Variants in CLIC4 observed in about 807,000 individuals in gnomAD.
CLIC4 encodes chloride intracellular channel protein 4.
A neutral mutation model predicts 24.6 loss-of-function variants in CLIC4; 13 were observed. The ratio of observed to expected loss-of-function variants is 0.53; its 90% CI spans 0.34 to 0.84. CLIC4 has a LOEUF of 0.84. Ranked by LOEUF, CLIC4 falls within the 40% of genes least tolerant of loss-of-function variation. The pLI, the probability that CLIC4 is intolerant of heterozygous loss-of-function variation, is 0.01. For missense variants in CLIC4, 227 were observed against 301.7 expected (o/e 0.75, Z 1.83); for synonymous variants, 104 against 111.3 (o/e 0.93, Z 0.41).
At chr1:24,818,942 G>T (rs1639698938) in intron 3 of CLIC4, among the ~76,000 whole-genome samples, 2 of 151,956 alleles carry the variant, frequency 1.3e-5, no homozygotes, top group South Asian at 4.2e-4. Context: ...GAAATAGTAT[G>T]TAATGTATAT....
chr1:24,756,359 A>G (rs934816052), intron 1 of CLIC4, among the ~76,000 whole-genome samples: 3 of 152,368 alleles, frequency 2.0e-5, no homozygotes, highest in African/African-American at 7.2e-5. Context: ...CCTGAGTTCA[A>G]CATGCATATA....
rs558923901 is a variant in CLIC4, at chr1:24,800,606, G to T, written c.182+2755G>T. On this transcript the variant is annotated intron_variant, in intron 2 of 5. Coordinates refer to ENST00000374379, the MANE Select transcript of CLIC4 (RefSeq NM_013943.3). ...GAGAATGGGCCAGGATGACAATGGC[G>T]GCTTTGTGGAATAGAAAGGCGGGAA... Among the ~76,000 whole-genome samples the T allele has an allele frequency of 2.2e-4, 34 of 152,312 alleles. No homozygotes were observed. In the East Asian group the frequency reaches 5.4e-3, roughly 24 times the overall value.
At position 24,841,611 on chromosome 1, in the gene CLIC4, C is replaced by G. The variant is rs1639944337; in HGVS notation, c.*674C>G. 6.6e-6 allele frequency: 1 copy of G among 152,114 alleles called. No homozygotes were observed. Among genetic ancestry groups the G allele is most frequent in the Non-Finnish European group, 1.5e-5 (1 of 67,998 alleles). The allele number at this position is 152,114 out of a possible 1,614,324, so 9.4% of individuals were successfully genotyped here. Reference sequence around the variant, plus strand: ...TGTAACATCTGACACCATGTAGAAGCTAAAAGTTTAGAGGGAGTGAGGGTT... The same window carrying G: ...TGTAACATCTGACACCATGTAGAAGGTAAAAGTTTAGAGGGAGTGAGGGTT... On this transcript the variant is annotated 3_prime_UTR_variant, in exon 6 of 6. Transcript: ENST00000374379.
At chr1:24,769,394 C>T (rs1639045709) in intron 1 of CLIC4, among the ~76,000 whole-genome samples, 1 of 152,030 alleles carries the variant, frequency 6.6e-6, no homozygotes, top group South Asian at 2.1e-4. Flanking sequence ...TAATTTAATC[C>T]TCATATAAAC....
intron 1 of CLIC4, among the ~76,000 whole-genome samples, chr1:24,778,503 A>G (rs548604677): frequency 1.3e-5 from 2 of 152,270 alleles, no homozygotes; most frequent in Admixed American, 6.5e-5. Flanking sequence ...CCAGACTAGG[A>G]AAAAAGGACT....
At chr1:24,828,798 A>G (rs899658972) in intron 4 of CLIC4, among the ~76,000 whole-genome samples, 2 of 152,054 alleles carry the variant, frequency 1.3e-5, no homozygotes, top group Non-Finnish European at 2.9e-5. Context: ...GTAGCCACCT[A>G]CTCTTCCTGT....
intron 1 of CLIC4, among the ~76,000 whole-genome samples, chr1:24,760,152 G>T (rs79193579): frequency 6.6e-6 from 1 of 152,146 alleles, no homozygotes; most frequent in African/African-American, 2.4e-5. Flanking sequence ...GATCAGTTGA[G>T]GTCAGGAGTT....
chr1:24,831,449 G>A (rs1229896644), intron 4 of CLIC4, among the ~76,000 whole-genome samples: 2 of 152,050 alleles, frequency 1.3e-5, no homozygotes, highest in Non-Finnish European at 2.9e-5. Context: ...ATTTAGAGCA[G>A]GTCTAAGGTT....
intron 1 of CLIC4, among the ~76,000 whole-genome samples, chr1:24,796,239 A>G (rs1480467433): frequency 1.3e-5 from 2 of 152,100 alleles, no homozygotes; most frequent in Admixed American, 6.5e-5. Flanking sequence ...GCTAGGCTGG[A>G]GTGCAGTGGC....
chr1:24,821,410 A>G (rs200319532), intron 3 of CLIC4, among the ~76,000 whole-genome samples: 45 of 152,350 alleles, frequency 3.0e-4, no homozygotes, highest in African/African-American at 9.1e-4. Flanking sequence ...GAGCATATTC[A>G]TAGAAACATT....
rs1210637546 is a variant in CLIC4, at chr1:24,812,866, A to T, written c.183-1228A>T. ...CCCAAGTAGCTGGAACTACAGGTGC[A>T]TGCCACCATGCCCAGCTAATTTTTA... On this transcript the variant is annotated intron_variant, in intron 2 of 5. Coordinates refer to ENST00000374379, the MANE Select transcript of CLIC4 (RefSeq NM_013943.3). 2.0e-5 allele frequency among the ~76,000 whole-genome samples: 3 copies of T among 151,250 alleles called. No individual in the cohort carries two copies. In the East Asian group the frequency reaches 5.8e-4, roughly 29 times the overall value.
chr1:24,820,067 G>GTGTGTATA (rs1212033050), intron 3 of CLIC4, among the ~76,000 whole-genome samples: 410 of 36,434 alleles, frequency 0.011, 72 homozygotes, highest in Middle Eastern at 0.02. Context: ...AAAAAAGTAT[G>GTGTGTATA]TATATATATA....
intron 1 of CLIC4, among the ~76,000 whole-genome samples, chr1:24,774,061 C>G (rs537984780): frequency 6.6e-6 from 1 of 152,208 alleles, no homozygotes; most frequent in African/African-American, 2.4e-5. Flanking sequence ...CAACCTCTGC[C>G]TCTTGGAGTC....
chr1:24,794,358 T>TG (rs1279696507), intron 1 of CLIC4, among the ~76,000 whole-genome samples: 2 of 151,926 alleles, frequency 1.3e-5, no homozygotes, highest in African/African-American at 4.8e-5. Flanking sequence ...TCTGTTTTTT[T>TG]TTTTTTTTTA....
chr1:24,752,540 GC>G (rs1442864141), intron 1 of CLIC4, among the ~76,000 whole-genome samples: 1 of 152,064 alleles, frequency 6.6e-6, no homozygotes, highest in Non-Finnish European at 1.5e-5. Flanking sequence ...CATCTTAAGG[GC>G]CCCAGCTCAG....
At chr1:24,831,103 T>G (rs912054094) in intron 4 of CLIC4, among the ~76,000 whole-genome samples, 2 of 152,236 alleles carry the variant, frequency 1.3e-5, no homozygotes, top group Non-Finnish European at 2.9e-5. Flanking sequence ...CATTCTTAAC[T>G]ATGAAAAATT....
chr1:24,802,511 C>T (rs1011909038), intron 2 of CLIC4, among the ~76,000 whole-genome samples: 1 of 151,952 alleles, frequency 6.6e-6, no homozygotes, highest in African/African-American at 2.4e-5. Context: ...AAAATTGAAG[C>T]TTATATTTTT....
At chr1:24,812,276 T>C (rs931310779) in intron 2 of CLIC4, among the ~76,000 whole-genome samples, 1 of 152,202 alleles carries the variant, frequency 6.6e-6, no homozygotes, top group African/African-American at 2.4e-5. Context: ...ATCTTTTATG[T>C]ATTGAAGTAA....
chr1:24,792,769 T>G (rs1032677626), intron 1 of CLIC4, among the ~76,000 whole-genome samples: 1 of 152,190 alleles, frequency 6.6e-6, no homozygotes, highest in African/African-American at 2.4e-5. Flanking sequence ...CAAAAGTAAA[T>G]TGAGAAAATT....
Sources: gnomAD v4.1 joint callset for allele counts (sites outside exome capture counted in the v4.1 genomes callset) on GRCh38, gnomAD v4.1.1 for gene constraint, MANE v1.5 for transcripts, NCBI Gene and HGNC (gene_info 2026-07-23, HGNC 2026-07-21) for gene names.